The following KCNH8 variants were observed in gnomAD, a reference collection of about 807,000 sequenced individuals.
The protein encoded by KCNH8 is potassium voltage-gated channel subfamily H member 8.
KCNH8 carries 70 observed loss-of-function variants against 103.6 expected under a neutral mutation model. The ratio of observed to expected loss-of-function variants is 0.68; its 90% CI spans 0.56 to 0.82. KCNH8 has a LOEUF of 0.82. Among genes scored for constraint, KCNH8 ranks in the 40% least tolerant of loss-of-function variants. KCNH8 has a pLI of 0.00. For missense variants in KCNH8, 1,217 were observed against 1,329.9 expected, an observed-to-expected ratio of 0.92 and a Z score of 1.32; for synonymous variants, 498 against 489.4, an observed-to-expected ratio of 1.02 and a Z score of -0.23.
At chr3:19,172,600 GTCTC>G (rs1216985350) in intron 1 of KCNH8, among the ~76,000 whole-genome samples, 1 of 152,136 alleles carries the variant, frequency 6.6e-6, no homozygotes, top group Non-Finnish European at 1.5e-5. Flanking sequence ...TTAAGTACCA[GTCTC>G]TCTGTTAAGC....
chr3:19,366,444 T>G (rs2066011534), intron 5 of KCNH8, among the ~76,000 whole-genome samples: 1 of 152,096 alleles, frequency 6.6e-6, no homozygotes, highest in African/African-American at 2.4e-5. Context: ...GTAAATAGAC[T>G]ATGAGAAGAG....
intron 1 of KCNH8, among the ~76,000 whole-genome samples, chr3:19,238,609 C>T (rs2064094742): frequency 6.6e-6 from 1 of 152,160 alleles, no homozygotes; most frequent in Admixed American, 6.5e-5. Flanking sequence ...TGCCAGAAGA[C>T]CTTTTACAAA....
At chr3:19,409,943 G>A (rs112298126) in intron 7 of KCNH8, among the ~76,000 whole-genome samples, 9 of 151,932 alleles carry the variant, frequency 5.9e-5, no homozygotes, top group Non-Finnish European at 1.2e-4. Context: ...AAGACCCCAC[G>A]AACAGCATTA....
intron 1 of KCNH8, among the ~76,000 whole-genome samples, chr3:19,159,460 T>G (rs760137358): frequency 6.6e-6 from 1 of 152,010 alleles, no homozygotes; most frequent in Non-Finnish European, 1.5e-5. Context: ...ACACCCATAT[T>G]TGTGCCGATT....
At chr3:19,165,191 G>C (rs1437356465) in intron 1 of KCNH8, among the ~76,000 whole-genome samples, 22 of 152,194 alleles carry the variant, frequency 1.4e-4, no homozygotes, top group African/African-American at 5.3e-4. Context: ...TTCTGGGGTG[G>C]AAGAGAGAAG....
chr3:19,446,257 T>C (rs976092373), intron 8 of KCNH8, among the ~76,000 whole-genome samples: 2 of 152,000 alleles, frequency 1.3e-5, no homozygotes, highest in Non-Finnish European at 2.9e-5. Context: ...CCCCAGTTGA[T>C]AGAGTCATCA....
intron 3 of KCNH8, among the ~76,000 whole-genome samples, chr3:19,291,840 C>G (rs112565516): frequency 1.3e-3 from 199 of 152,190 alleles, no homozygotes; most frequent in African/African-American, 4.5e-3. Context: ...CTTGTCATTC[C>G]CAAGTCATTA....
intron 3 of KCNH8, among the ~76,000 whole-genome samples, chr3:19,316,981 C>T (rs1455149434): frequency 1.3e-5 from 2 of 151,824 alleles, no homozygotes; most frequent in African/African-American, 4.8e-5. Context: ...TTTTCATCTT[C>T]TGTTCTTCTT....
chr3:19,344,320 G>T (rs1262491867), intron 4 of KCNH8, among the ~76,000 whole-genome samples: 1 of 151,972 alleles, frequency 6.6e-6, no homozygotes, highest in Non-Finnish European at 1.5e-5. Flanking sequence ...TTTAAACATA[G>T]CAAGTATTAG....
intron 5 of KCNH8, among the ~76,000 whole-genome samples, chr3:19,387,704 A>G (rs1295602624): frequency 6.6e-6 from 1 of 152,138 alleles, no homozygotes; most frequent in African/African-American, 2.4e-5. Context: ...TCCCCTGAAA[A>G]TAAACCAAAA....
chr3:19,459,956 G>GTCTC lies in KCNH8; in HGVS notation c.2040+2990_2040+2993dup, dbSNP rs34994157. Among the ~76,000 whole-genome samples the GTCTC allele has an allele frequency of 4.7e-5, 7 of 147,558 alleles. No homozygotes were observed. In the South Asian group the frequency reaches 6.4e-4, roughly 14 times the overall value. On this transcript the variant is annotated intron_variant, in intron 11 of 15. Transcript: ENST00000328405. ...TTGTCTGTTATTTTTCTCTTTTTCT[G>GTCTC]TCTCTCTCTCTCTCTCTCTGTCATT...
chr3:19,480,996 C>A (rs762379299), intron 11 of KCNH8, among the ~76,000 whole-genome samples: 3 of 152,072 alleles, frequency 2.0e-5, no homozygotes, highest in Non-Finnish European at 4.4e-5. Flanking sequence ...CTTTCTTTCC[C>A]ACTCTATAAG....
intron 3 of KCNH8, among the ~76,000 whole-genome samples, chr3:19,335,580 C>G (rs2125312920): frequency 6.7e-6 from 1 of 150,274 alleles, no homozygotes; most frequent in South Asian, 2.1e-4. Flanking sequence ...TTTTTTGGCT[C>G]TTTTATTCTC....
chr3:19,316,857 G>A (rs1168817519), intron 3 of KCNH8, among the ~76,000 whole-genome samples: 3 of 151,908 alleles, frequency 2.0e-5, no homozygotes, highest in African/African-American at 7.2e-5. Flanking sequence ...CAAGAAATAT[G>A]ATGTATTTAT....
At chr3:19,437,202 T>C (rs1035869468) in intron 7 of KCNH8, among the ~76,000 whole-genome samples, 1 of 152,104 alleles carries the variant, frequency 6.6e-6, no homozygotes, top group Non-Finnish European at 1.5e-5. Context: ...ATGAATCTTA[T>C]GAGTTGAGCT....
intron 3 of KCNH8, among the ~76,000 whole-genome samples, chr3:19,312,717 C>G (rs1003372717): frequency 3.3e-5 from 5 of 151,702 alleles, no homozygotes; most frequent in African/African-American, 1.2e-4. Context: ...AATATTTTTC[C>G]TAGGTCTTAT....
chr3:19,217,042 G>C (rs553874576), intron 1 of KCNH8, among the ~76,000 whole-genome samples: 1 of 152,214 alleles, frequency 6.6e-6, no homozygotes, highest in Admixed American at 6.5e-5. Context: ...TGTAGAGGAT[G>C]ATAGCAAGAT....
intron 10 of KCNH8, among the ~76,000 whole-genome samples, chr3:19,452,451 A>C (rs768213002): frequency 1.3e-5 from 2 of 152,120 alleles, no homozygotes; most frequent in Non-Finnish European, 2.9e-5. Context: ...CTTATGAATG[A>C]ATTCAGTACT....
chr3:19,272,458 A>G (rs1183152232), intron 2 of KCNH8, among the ~76,000 whole-genome samples: 3 of 152,076 alleles, frequency 2.0e-5, no homozygotes, highest in Admixed American at 1.3e-4. Flanking sequence ...CAAAGTTTTC[A>G]TGGGCTGCTT....
Sources: allele counts gnomAD v4.1 joint callset (sites outside exome capture counted in the v4.1 genomes callset), GRCh38; gene constraint gnomAD v4.1.1; transcripts MANE v1.5; gene names NCBI Gene and HGNC (gene_info 2026-07-23, HGNC 2026-07-21).